PRDM10: variants seen among roughly 807,000 people sequenced by gnomAD.
The protein encoded by PRDM10 is PR/SET domain 10, also known as PR domain zinc finger protein 10.
Under a neutral mutation model 133.1 loss-of-function variants are expected in PRDM10, and 65 were observed. That is an observed-to-expected ratio of 0.49 (90% CI 0.40 to 0.60). The LOEUF (loss-of-function observed/expected upper bound fraction) is 0.60. Among genes scored for constraint, PRDM10 ranks in the 20% least tolerant of loss-of-function variants. The probability of loss-of-function intolerance (pLI) is 0.00; values close to 1 mark genes in which losing one functional copy is unlikely to be tolerated. For missense variants in PRDM10, 1,137 were observed against 1,507.1 expected (o/e 0.75, Z 4.07); for synonymous variants, 582 against 580.4 (o/e 1.00, Z -0.04).
chr11:129,977,446 G>C (rs2135960556), intron 1 of PRDM10, among the ~76,000 whole-genome samples: 1 of 152,210 alleles, frequency 6.6e-6, no homozygotes, highest in African/African-American at 2.4e-5. Flanking sequence ...ACCATGCCCA[G>C]CTGATTTTTG....
At position 129,993,730 on chromosome 11, in the gene PRDM10, C is replaced by T. The variant is rs183440336; in HGVS notation, c.-119+8992G>A. The stretch of plus-strand genomic sequence containing the variant: ...TGATCTCCTGACCTCGTGATCCACC[C>T]GCCTCGGCCTCCCAAAGTGCTGGGA... On this transcript the variant is annotated intron_variant, in intron 1 of 20. Transcript: ENST00000360871. Among the ~76,000 whole-genome samples, 1,264 of 152,220 alleles carry T rather than the reference C, an allele frequency of 8.3e-3. 12 individuals carry two copies. Among genetic ancestry groups the T allele is most frequent in the African/African-American group, 0.029 (1,202 of 41,548 alleles).
At chr11:129,987,470 G>A (rs1938490949) in intron 1 of PRDM10, among the ~76,000 whole-genome samples, 2 of 152,114 alleles carry the variant, frequency 1.3e-5, no homozygotes, top group Admixed American at 1.3e-4. Flanking sequence ...ATGGAAAACA[G>A]CCCGGCAATT....
intron 8 of PRDM10, 152 bp from the exon 9 acceptor site, chr11:129,935,370 T>C (rs1950996663): frequency 3.4e-6 from 2 of 590,010 alleles, no homozygotes; most frequent in Admixed American, 5.6e-5. Flanking sequence ...TTCTATCAAA[T>C]CAAAAGCTAA....
intron 2 of PRDM10, among the ~76,000 whole-genome samples, chr11:129,958,774 G>C (rs558759872): frequency 6.6e-6 from 1 of 152,372 alleles, no homozygotes. Context: ...TCCTTGCCGG[G>C]TAGGTGAAGA....
At chr11:129,944,517 G>A (rs909811051) in intron 6 of PRDM10, among the ~76,000 whole-genome samples, 2 of 151,644 alleles carry the variant, frequency 1.3e-5, no homozygotes, top group South Asian at 2.1e-4. Context: ...CCCGGAAGGC[G>A]GAGCTTGCAG....
At position 129,915,759 on chromosome 11, in the gene PRDM10, T is replaced by G; in HGVS notation, c.2427A>C (p.Gly809=). The G allele has an allele frequency of 6.2e-7, 1 of 1,614,102 alleles. No homozygotes were observed. Among genetic ancestry groups the G allele is most frequent in the Non-Finnish European group, 8.5e-7 (1 of 1,180,018 alleles). ...SIRKLRPAGP[G]EPDPMLSTHT... ...GTGTGCTCAGCATGGGGTCTGGCTC[T>G]CCAGGACCAGCGGGTCGGAGCTTCC... The change falls in exon 16 of 21, where the codon GGA becomes GGC. Residue 809 remains glycine, a synonymous_variant. Coordinates refer to ENST00000360871, the MANE Select transcript of PRDM10 (RefSeq NM_199437.2).
At position 129,918,437 on chromosome 11, in the gene PRDM10, A is replaced by G. The variant is rs1819141847; in HGVS notation, c.2214+102T>C. On this transcript the variant is annotated intron_variant, in intron 14 of 20. Coordinates refer to ENST00000360871, the MANE Select transcript of PRDM10 (RefSeq NM_199437.2). The surrounding 1 kb of genome is among the most constrained non-coding windows in gnomAD (Gnocchi z 5.3). ...CCCCTGGACATTGACAAAACCATTGATCGATATAACTTAGGACACAATGCA... is the reference window on the plus strand; with the variant it reads ...CCCCTGGACATTGACAAAACCATTGGTCGATATAACTTAGGACACAATGCA... The G allele has an allele frequency of 1.5e-6, 2 of 1,342,740 alleles. No homozygotes were observed. Among genetic ancestry groups the G allele is most frequent in the South Asian group, 1.7e-5 (1 of 57,366 alleles). The allele number at this position is 1,342,740 out of a possible 1,614,324, so 83.2% of individuals were successfully genotyped here. A position where few individuals can be genotyped will look rare whatever the true frequency, so the allele number is the denominator to read the frequency against.
chr11:129,971,602 T>G (rs1057022052), intron 1 of PRDM10, among the ~76,000 whole-genome samples: 1 of 148,640 alleles, frequency 6.7e-6, no homozygotes, highest in Admixed American at 6.7e-5. Context: ...GAGCTAGACA[T>G]AAAGGTTCTC....
At chr11:129,943,242 A>G (rs1951273109) in intron 6 of PRDM10, among the ~76,000 whole-genome samples, 1 of 152,224 alleles carries the variant, frequency 6.6e-6, no homozygotes, top group African/African-American at 2.4e-5. Context: ...ACTTCACCAT[A>G]CAGGGAGCTA....
At chr11:129,943,737 G>A (rs915771259) in intron 6 of PRDM10, among the ~76,000 whole-genome samples, 5 of 152,312 alleles carry the variant, frequency 3.3e-5, no homozygotes, top group South Asian at 2.1e-4. Context: ...GCTCATGCCT[G>A]TAATCCCAGC....
intron 6 of PRDM10, among the ~76,000 whole-genome samples, chr11:129,943,638 T>C (rs1186729723): frequency 6.6e-6 from 1 of 152,098 alleles, no homozygotes; most frequent in Non-Finnish European, 1.5e-5. Flanking sequence ...GGCAGGAAGA[T>C]CACTTGAGCT....
intron 1 of PRDM10, among the ~76,000 whole-genome samples, chr11:130,000,699 C>A (rs1939307636): frequency 6.6e-6 from 1 of 152,196 alleles, no homozygotes; most frequent in South Asian, 2.1e-4. Context: ...GGGTAGAAGG[C>A]ACAAGACATT....
In PRDM10 at chr11:129,910,385, T is replaced by G. The variant is rs543458316; in HGVS notation, c.3163+91A>C. The G allele has an allele frequency of 2.6e-6, 4 of 1,549,594 alleles. No homozygotes were observed. In the South Asian group the frequency reaches 3.5e-5, roughly 14 times the overall value. On this transcript the variant is annotated intron_variant, in intron 19 of 20. Transcript: ENST00000360871. ...AGTGTAAACAATGGCCAAGAGATACTTTAAAAATCTATCACAAGCTGAAGA... is the reference window on the plus strand; with the variant it reads ...AGTGTAAACAATGGCCAAGAGATACGTTAAAAATCTATCACAAGCTGAAGA...
In PRDM10 at chr11:129,912,188, T is replaced by C. The variant is rs779170424; in HGVS notation, c.2879A>G (p.Asp960Gly). The C allele has an allele frequency of 1.9e-6, 3 of 1,609,470 alleles. No homozygotes were observed. The South Asian group carries it at 3.3e-5, about 18-fold the overall frequency. Residue 960 changes from aspartate (D) to glycine (G), a missense_variant, in exon 18 of 21, where the codon GAT becomes GGT. Physicochemically the swap from Asp to Gly is moderately conservative, Grantham distance 94. Around this residue, in one of 6 missense-constraint regions of PRDM10, gnomAD observed 243 missense variants for 259.2 expected, o/e 0.94. Coordinates refer to ENST00000360871, the MANE Select transcript of PRDM10 (RefSeq NM_199437.2). ...CTGAGGATCATGGAGCTGGCCAACA[T>C]CCACAGTGGACTGCTGTGACTGGTG... Reference protein sequence around the residue: ...SPHQSQQSTVDVGQLHDPQPY... With the variant: ...SPHQSQQSTVGVGQLHDPQPY...
intron 20 of PRDM10, among the ~76,000 whole-genome samples, chr11:129,903,736 G>A (rs892313690): frequency 1.3e-5 from 2 of 152,136 alleles, no homozygotes; most frequent in Admixed American, 1.3e-4. Flanking sequence ...AGGGCCAGAT[G>A]TTCTGAGTTC....
At chr11:129,991,231 A>G (rs980819620) in intron 1 of PRDM10, among the ~76,000 whole-genome samples, 1 of 152,212 alleles carries the variant, frequency 6.6e-6, no homozygotes, top group Non-Finnish European at 1.5e-5. Context: ...TCCAGAAAAG[A>G]CTTATTCTCA....
intron 8 of PRDM10, among the ~76,000 whole-genome samples, chr11:129,936,228 A>G (rs1951024522): frequency 6.6e-6 from 1 of 152,132 alleles, no homozygotes; most frequent in Non-Finnish European, 1.5e-5. Flanking sequence ...GGCCTCCCAG[A>G]CCTCACCATA....
chr11:129,990,905 C>T (rs932501996), intron 1 of PRDM10, among the ~76,000 whole-genome samples: 5 of 152,062 alleles, frequency 3.3e-5, no homozygotes, highest in Admixed American at 6.6e-5. Context: ...ATTTTATTGC[C>T]TTCATAAAAA....
chr11:129,958,017 G>T, intron 2 of PRDM10, 107 bp from the exon 3 acceptor site: 1 of 1,265,606 alleles, frequency 7.9e-7, no homozygotes, highest in Non-Finnish European at 1.1e-6. Context: ...AATGGGGATG[G>T]ATACACCTTT....
Sources: gnomAD v4.1 joint callset for allele counts (sites outside exome capture counted in the v4.1 genomes callset) on GRCh38, gnomAD v4.1.1 for gene constraint, gnomAD v4.1.1 regional missense constraint, Gnocchi (gnomAD v3.1) non-coding constraint, MANE v1.5 for transcripts, NCBI Gene and HGNC (gene_info 2026-07-23, HGNC 2026-07-21) for gene names.